PEX5L: variants seen among roughly 807,000 people sequenced by gnomAD.
PEX5L encodes the protein peroxisomal biogenesis factor 5 like.
In PEX5L, 30 loss-of-function variants were observed where a neutral mutation model predicts 84.0. That is an observed-to-expected ratio of 0.36 (90% CI 0.27 to 0.48). The LOEUF (loss-of-function observed/expected upper bound fraction) is 0.48, where lower values mean the gene tolerates loss of function less well. PEX5L is among the 20% of genes least tolerant of loss of function. The pLI is 0.99. For synonymous variants in PEX5L, 270 were observed against 283.1 expected, an observed-to-expected ratio of 0.95 and a Z score of 0.46; for missense variants, 533 against 754.6, an observed-to-expected ratio of 0.71 and a Z score of 3.44.
At chr3:179,979,539 C>T (rs899618088) in intron 1 of PEX5L, among the ~76,000 whole-genome samples, 2 of 152,040 alleles carry the variant, frequency 1.3e-5, no homozygotes, top group Admixed American at 6.6e-5. Context: ...TGGTTTTAAC[C>T]CTGTCATCCC....
chr3:179,968,723 C>CG (rs1560973833), intron 2 of PEX5L, among the ~76,000 whole-genome samples: 2 of 111,276 alleles, frequency 1.8e-5, no homozygotes, highest in Non-Finnish European at 3.6e-5. Context: ...GTGTGTGTGT[C>CG]TGTGTGTGTC....
At chr3:179,825,195 G>A (rs1452644274) in intron 8 of PEX5L, among the ~76,000 whole-genome samples, 1 of 152,188 alleles carries the variant, frequency 6.6e-6, no homozygotes, top group African/African-American at 2.4e-5. Context: ...ACAATCATCA[G>A]GGGGATGCTG....
intron 1 of PEX5L, among the ~76,000 whole-genome samples, chr3:180,014,925 A>C (rs942131677): frequency 6.6e-6 from 1 of 152,234 alleles, no homozygotes; most frequent in Non-Finnish European, 1.5e-5. Flanking sequence ...TGCTTGCTAC[A>C]TGTAAACATC....
At chr3:179,840,183 G>GTGTTTT (rs542803963) in intron 8 of PEX5L, among the ~76,000 whole-genome samples, 15 of 78,720 alleles carry the variant, frequency 1.9e-4, no homozygotes, top group Admixed American at 8.3e-4. Context: ...GTGTGTGTGT[G>GTGTTTT]TTTTTTTTTT....
chr3:179,956,923 T>G (rs1780723911), intron 2 of PEX5L, among the ~76,000 whole-genome samples: 1 of 152,304 alleles, frequency 6.6e-6, no homozygotes, highest in South Asian at 2.1e-4. Flanking sequence ...CAATCCCTTC[T>G]TTTCCTCTTT....
intron 6 of PEX5L, among the ~76,000 whole-genome samples, chr3:179,874,738 G>GTTTTTTTT (rs3836472): frequency 6.4e-3 from 295 of 45,920 alleles, no homozygotes; most frequent in Middle Eastern, 0.018. Context: ...TTTTTTTTTT[G>GTTTTTTTT]TTTTTTTTTT....
intron 8 of PEX5L, among the ~76,000 whole-genome samples, chr3:179,844,664 TAAAA>T (rs1738613790): frequency 1.3e-5 from 2 of 151,942 alleles, no homozygotes; most frequent in Admixed American, 6.6e-5. Context: ...CTGTCTCTAC[TAAAA>T]ATACAAAAAA....
At chr3:179,815,277 G>A (rs913997172) in intron 10 of PEX5L, among the ~76,000 whole-genome samples, 3 of 152,148 alleles carry the variant, frequency 2.0e-5, no homozygotes, top group Admixed American at 1.3e-4. Context: ...GAAAACTACC[G>A]CTATATACTG....
intron 7 of PEX5L, among the ~76,000 whole-genome samples, chr3:179,872,709 C>A (rs200283483): frequency 1.3e-5 from 2 of 152,140 alleles, no homozygotes; most frequent in East Asian, 3.9e-4. Context: ...TGTAGAACAG[C>A]CCACCTGTGC....
At chr3:179,826,985 A>G (rs1730734198) in intron 8 of PEX5L, among the ~76,000 whole-genome samples, 1 of 152,222 alleles carries the variant, frequency 6.6e-6, no homozygotes, top group South Asian at 2.1e-4. Flanking sequence ...AGGGTGAACA[A>G]TAAAATGCAA....
chr3:179,888,651 T>C (rs1363397640), intron 3 of PEX5L, among the ~76,000 whole-genome samples: 2 of 148,398 alleles, frequency 1.3e-5, no homozygotes, highest in Admixed American at 1.3e-4. Flanking sequence ...AACTGTTTTT[T>C]TTGGGGGGGG....
chr3:179,850,280 T>C (rs1390146404), intron 8 of PEX5L, among the ~76,000 whole-genome samples: 2 of 151,892 alleles, frequency 1.3e-5, no homozygotes, highest in Non-Finnish European at 1.5e-5. Flanking sequence ...GCATGCACCA[T>C]CATGCCTGGC....
intron 2 of PEX5L, among the ~76,000 whole-genome samples, chr3:179,954,210 G>A (rs893566472): frequency 2.2e-5 from 3 of 136,298 alleles, no homozygotes; most frequent in Non-Finnish European, 5.0e-5. Context: ...TAGTCGGGGG[G>A]GGGGGAAAAA....
intron 12 of PEX5L, among the ~76,000 whole-genome samples, chr3:179,809,071 C>T (rs1245273372): frequency 7.4e-5 from 1 of 13,484 alleles, no homozygotes; most frequent in Middle Eastern, 0.038. Context: ...GAGATTCCGC[C>T]TCAAAAAAAA....
Position 179,887,680 on chromosome 3 carries a change from A to T in PEX5L, c.303T>A (p.Asn101Lys). ...SEAIARPVTS[N>K]TAVLTTGLDL... ...TAAAAGTGAGAGAATTACCAGCTGT[A>T]TTGGATGTTACTGGCCTTGCTATTG... Residue 101 changes from asparagine (N) to lysine (K), a missense_variant, in exon 4 of 15, where the codon AAT becomes AAA. Asn to Lys is a moderately conservative substitution (Grantham distance 94). Transcript: ENST00000467460. 6.3e-7 allele frequency: 1 copy of T among 1,596,582 alleles called. No individual in the cohort carries two copies. Among genetic ancestry groups the T allele is most frequent in the Non-Finnish European group, 8.6e-7 (1 of 1,163,908 alleles).
chr3:179,908,932 T>A (rs187332314), intron 2 of PEX5L, among the ~76,000 whole-genome samples: 18 of 152,318 alleles, frequency 1.2e-4, no homozygotes, highest in African/African-American at 4.3e-4. Flanking sequence ...GTCTACTTCA[T>A]AGATTTTTGA....
chr3:179,865,016 C>T (rs1039245902), intron 7 of PEX5L, among the ~76,000 whole-genome samples: 2 of 152,116 alleles, frequency 1.3e-5, no homozygotes, highest in Admixed American at 6.6e-5. Flanking sequence ...CATTACTGTC[C>T]TTGGCTTCTT....
intron 1 of PEX5L, among the ~76,000 whole-genome samples, chr3:180,026,647 A>G (rs1000520954): frequency 6.6e-6 from 1 of 152,198 alleles, no homozygotes; most frequent in East Asian, 1.9e-4. Flanking sequence ...ACATGATTTA[A>G]TAAGCCAATA....
intron 1 of PEX5L, among the ~76,000 whole-genome samples, chr3:180,019,989 C>T (rs1790288457): frequency 6.6e-6 from 1 of 152,150 alleles, no homozygotes; most frequent in African/African-American, 2.4e-5. Context: ...CTTCAATTTT[C>T]AAATTTGAGA....
Sources: gnomAD v4.1 joint callset for allele counts (sites outside exome capture counted in the v4.1 genomes callset) on GRCh38, gnomAD v4.1.1 for gene constraint, MANE v1.5 for transcripts, NCBI Gene and HGNC (gene_info 2026-07-23, HGNC 2026-07-21) for gene names.